LRRC7: variants seen among roughly 807,000 people sequenced by gnomAD.
LRRC7 encodes leucine-rich repeat-containing protein 7.
A neutral mutation model predicts 175.7 loss-of-function variants in LRRC7; 23 were observed. The ratio of observed to expected loss-of-function variants is 0.13; its 90% CI spans 0.09 to 0.19. The LOEUF (loss-of-function observed/expected upper bound fraction) is 0.19, where lower values mean the gene tolerates loss of function less well. Among genes scored for constraint, LRRC7 ranks in the 10% least tolerant of loss-of-function variants. The pLI is 1.00. For synonymous variants in LRRC7, 685 were observed against 680.9 expected (o/e 1.01, Z -0.09); for missense variants, 1,354 against 1,904.7 (o/e 0.71, Z 5.38).
intron 2 of LRRC7, among the ~76,000 whole-genome samples, chr1:69,703,891 A>G (rs1210574183): frequency 6.6e-6 from 1 of 152,014 alleles, no homozygotes; most frequent in Non-Finnish European, 1.5e-5. Flanking sequence ...TATTTTATCT[A>G]AAGCGTTTAC....
chr1:69,665,941 A>G (rs926543327), intron 1 of LRRC7, among the ~76,000 whole-genome samples: 2 of 151,992 alleles, frequency 1.3e-5, no homozygotes, highest in Non-Finnish European at 2.9e-5. Flanking sequence ...CCCATTAAGT[A>G]TGATACTAGC....
chr1:70,058,789 A>G (rs1184406934), intron 23 of LRRC7, among the ~76,000 whole-genome samples: 1 of 152,230 alleles, frequency 6.6e-6, no homozygotes, highest in Non-Finnish European at 1.5e-5. Flanking sequence ...TATGAAGGTG[A>G]TACTATAAAA....
chr1:69,648,532 GA>G (rs1343297892), intron 1 of LRRC7, among the ~76,000 whole-genome samples: 3 of 152,152 alleles, frequency 2.0e-5, no homozygotes, highest in African/African-American at 7.2e-5. Context: ...AGAGAAATGG[GA>G]AAAGCCAGAG....
chr1:70,000,021 G>A (rs190170543), intron 11 of LRRC7, among the ~76,000 whole-genome samples: 1 of 152,276 alleles, frequency 6.6e-6, no homozygotes, highest in East Asian at 1.9e-4. Flanking sequence ...TGGCTTCAGA[G>A]TAGGGGAGTA....
At position 70,132,671 on chromosome 1, in the gene LRRC7, C is replaced by T. The variant is rs1157198215; in HGVS notation, c.*10784C>T. On this transcript the variant is annotated 3_prime_UTR_variant, in exon 27 of 27. Coordinates refer to ENST00000651989, the MANE Select transcript of LRRC7 (RefSeq NM_001370785.2). ...TATTTTTAGTAGAGACGGAGTTTCA[C>T]CTTCTTGGCCAGGTTGGTCTTGAAC... Among the ~76,000 whole-genome samples the T allele has an allele frequency of 6.6e-6, 1 of 151,978 alleles. No individual in the cohort carries two copies. The highest frequency in any genetic ancestry group is 1.5e-5 in the Non-Finnish European group (1 of 67,984).
At chr1:69,999,037 AG>A (rs1655278376) in intron 11 of LRRC7, among the ~76,000 whole-genome samples, 1 of 152,214 alleles carries the variant, frequency 6.6e-6, no homozygotes, top group Non-Finnish European at 1.5e-5. Flanking sequence ...TCTCCTCCCC[AG>A]CAGCCAAGTG....
At chr1:69,688,041 T>C (rs1209854793) in intron 2 of LRRC7, among the ~76,000 whole-genome samples, 1 of 152,240 alleles carries the variant, frequency 6.6e-6, no homozygotes, top group Admixed American at 6.5e-5. Context: ...GCTTTTTAAC[T>C]ACCTCTTCTT....
intron 8 of LRRC7, among the ~76,000 whole-genome samples, chr1:69,978,645 A>G (rs1274596247): frequency 1.3e-5 from 2 of 152,190 alleles, no homozygotes; most frequent in Non-Finnish European, 2.9e-5. Flanking sequence ...AACTTCTCCC[A>G]AGAATCTTAC....
At chr1:70,015,223 ATATT>A (rs994347321) in intron 13 of LRRC7, among the ~76,000 whole-genome samples, 12 of 152,150 alleles carry the variant, frequency 7.9e-5, no homozygotes, top group Admixed American at 2.0e-4. Context: ...TATTTTATAA[ATATT>A]TATTAGCTCA....
At chr1:70,012,681 T>C (rs1656620041) in intron 12 of LRRC7, among the ~76,000 whole-genome samples, 1 of 151,572 alleles carries the variant, frequency 6.6e-6, no homozygotes, top group Non-Finnish European at 1.5e-5. Context: ...ACAGACAAAA[T>C]TATATGATAT....
intron 1 of LRRC7, among the ~76,000 whole-genome samples, chr1:69,650,937 A>G (rs1480757858): frequency 6.6e-6 from 1 of 152,212 alleles, no homozygotes; most frequent in African/African-American, 2.4e-5. Flanking sequence ...TATAAATGCT[A>G]TCCTCACATG....
intron 10 of LRRC7, among the ~76,000 whole-genome samples, chr1:69,992,527 A>G (rs981490131): frequency 6.6e-6 from 1 of 152,212 alleles, no homozygotes; most frequent in Non-Finnish European, 1.5e-5. Flanking sequence ...GACATGAGCA[A>G]CAAGGGTGAG....
At chr1:69,668,365 A>G (rs1658576101) in intron 1 of LRRC7, among the ~76,000 whole-genome samples, 3 of 151,734 alleles carry the variant, frequency 2.0e-5, no homozygotes, top group Admixed American at 1.3e-4. Flanking sequence ...CTCATTGTTC[A>G]ACTCCCACTT....
At chr1:69,856,754 C>A (rs1368945017) in intron 7 of LRRC7, among the ~76,000 whole-genome samples, 1 of 152,178 alleles carries the variant, frequency 6.6e-6, no homozygotes, top group Admixed American at 6.5e-5. Context: ...TCCTCCCTAA[C>A]TCGTTTTATG....
At chr1:69,718,224 T>C (rs920891307) in intron 2 of LRRC7, among the ~76,000 whole-genome samples, 4 of 149,008 alleles carry the variant, frequency 2.7e-5, no homozygotes, top group African/African-American at 1.0e-4. Context: ...AATATGAGAC[T>C]AGACTGCAGG....
rs930513592 is a variant in LRRC7, at chr1:70,082,664, C to A, written c.4452+6366C>A. Among the ~76,000 whole-genome samples, 4 of 150,082 alleles carry A rather than the reference C, an allele frequency of 2.7e-5. No homozygotes were observed. The Admixed American group carries it at 2.7e-4, about 10-fold the overall frequency. On this transcript the variant is annotated intron_variant, in intron 24 of 26. Transcript: ENST00000651989. ...CTAATCTTTAAAATTTATTTCCAGA[C>A]TAAAAATGCATTTGAGTTTCTGTTT...
At chr1:69,889,439 T>C (rs1645763646) in intron 7 of LRRC7, among the ~76,000 whole-genome samples, 1 of 152,230 alleles carries the variant, frequency 6.6e-6, no homozygotes, top group Non-Finnish European at 1.5e-5. Flanking sequence ...AATAAGTTTA[T>C]GTAATATTCT....
At chr1:69,970,702 A>T (rs549184400) in intron 8 of LRRC7, among the ~76,000 whole-genome samples, 3 of 152,310 alleles carry the variant, frequency 2.0e-5, no homozygotes, top group East Asian at 3.9e-4. Flanking sequence ...CCAGACATTC[A>T]AAGAAGAATT....
intron 12 of LRRC7, 71 bp downstream of exon 12, chr1:70,011,997 A>G (rs1656554593): frequency 9.2e-7 from 1 of 1,090,406 alleles, no homozygotes; most frequent in Admixed American, 1.9e-5. Flanking sequence ...CTTAACAGGT[A>G]GAATAGCAAT....
Sources: gnomAD v4.1 joint callset for allele counts (sites outside exome capture counted in the v4.1 genomes callset) on GRCh38, gnomAD v4.1.1 for gene constraint, MANE v1.5 for transcripts, NCBI Gene and HGNC (gene_info 2026-07-23, HGNC 2026-07-21) for gene names.